The following SLC38A8 variants were observed in gnomAD, a reference collection of about 807,000 sequenced individuals.
SLC38A8 encodes amino acid transporter SLC38A8.
SLC38A8 carries 65 observed loss-of-function variants against 46.0 expected under a neutral mutation model. The ratio of observed to expected loss-of-function variants is 1.41; its 90% CI spans 1.16 to 1.74. The LOEUF (loss-of-function observed/expected upper bound fraction) is 1.74, where lower values mean the gene tolerates loss of function less well. Among genes scored for constraint, SLC38A8 ranks in the 40% most tolerant of loss-of-function variants. The pLI, the probability that SLC38A8 is intolerant of heterozygous loss-of-function variation, is 0.00. For missense variants in SLC38A8, 998 were observed against 567.9 expected, an observed-to-expected ratio of 1.76 and a Z score of -7.70; for synonymous variants, 447 against 243.7, an observed-to-expected ratio of 1.83 and a Z score of -7.77.
intron 1 of SLC38A8, 64 bp from the exon 2 acceptor site, chr16:84,042,223 T>C: frequency 6.6e-7 from 1 of 1,514,650 alleles, no homozygotes; most frequent in Non-Finnish European, 8.9e-7. Flanking sequence ...AAGTTCTCGA[T>C]ATCCTTATTT....
intron 5 of SLC38A8, among the ~76,000 whole-genome samples, chr16:84,031,487 C>T (rs972576627): frequency 1.3e-5 from 2 of 152,244 alleles, no homozygotes; most frequent in Admixed American, 1.3e-4. Context: ...GCTCTCTGCC[C>T]TTGTTCCGGC....
At chr16:84,029,020 C>T (rs1346509538) in intron 6 of SLC38A8, among the ~76,000 whole-genome samples, 2 of 152,146 alleles carry the variant, frequency 1.3e-5, no homozygotes, top group African/African-American at 4.8e-5. Flanking sequence ...GCTCCCTGTA[C>T]ACCTTCCAGC....
At chr16:84,030,854 C>A (rs1476680085) in intron 5 of SLC38A8, among the ~76,000 whole-genome samples, 2 of 150,174 alleles carry the variant, frequency 1.3e-5, no homozygotes, top group South Asian at 4.3e-4. Flanking sequence ...GGTCGCACAC[C>A]CACGAGCCAG....
chr16:84,037,523 G>A (rs1006989101), intron 2 of SLC38A8, among the ~76,000 whole-genome samples: 1 of 152,188 alleles, frequency 6.6e-6, no homozygotes, highest in African/African-American at 2.4e-5. Flanking sequence ...CACTTCTGGA[G>A]ACCGAGGTAG....
At chr16:84,034,560 G>A (rs187254791) in intron 3 of SLC38A8, among the ~76,000 whole-genome samples, 157 of 152,290 alleles carry the variant, frequency 1.0e-3, no homozygotes, top group African/African-American at 2.8e-3. Context: ...AGATGTCTTC[G>A]CTCCTTCGGT....
chr16:84,038,214 C>G (rs7184301), intron 2 of SLC38A8, among the ~76,000 whole-genome samples: 97,494 of 151,674 alleles, frequency 0.64, 31,817 homozygotes, highest in East Asian at 0.85. Flanking sequence ...GGGAGGCTGA[C>G]GCAGGAGAAT....
At chr16:84,015,047 G>A (rs920459964) in intron 9 of SLC38A8, among the ~76,000 whole-genome samples, 12 of 152,202 alleles carry the variant, frequency 7.9e-5, no homozygotes, top group African/African-American at 2.2e-4. Flanking sequence ...TTGACATAAC[G>A]GCTGCATCAG....
chr16:84,022,912 G>C, intron 6 of SLC38A8, 23 bp from the exon 7 acceptor site: 1 of 1,535,056 alleles, frequency 6.5e-7, no homozygotes, highest in South Asian at 1.2e-5. Flanking sequence ...GGGCGGCTCA[G>C]CAGGATGCTG....
intron 9 of SLC38A8, among the ~76,000 whole-genome samples, chr16:84,013,558 G>A (rs2084984169): frequency 6.7e-6 from 1 of 149,822 alleles, no homozygotes; most frequent in African/African-American, 2.4e-5. Context: ...AGCCTCCCGA[G>A]TAGCTGGGAC....
chr16:84,032,009 A>C (rs1331667825), intron 4 of SLC38A8, 41 bp from the exon 5 acceptor site: 2 of 1,553,122 alleles, frequency 1.3e-6, no homozygotes, highest in Non-Finnish European at 1.8e-6. Context: ...AGTGGGTGAC[A>C]TGTGCGGTTG....
At chr16:84,020,228 C>T (rs2085079291) in intron 7 of SLC38A8, among the ~76,000 whole-genome samples, 1 of 151,788 alleles carries the variant, frequency 6.6e-6, no homozygotes, top group African/African-American at 2.4e-5. Flanking sequence ...CCAGCCTTGA[C>T]CTCCAGGGCT....
rs368496002 is a variant in SLC38A8 at position 84,029,543 on chromosome 16, G to A, written c.641C>T (p.Ser214Phe). ...GAAGACACTGAACACAGAGGTCCAG[G>A]AGGCAGGGCTGTAAACAGACAAGAA... ...RESHPSLSPA[S>F]WTSVFSVFPT... The change falls in exon 6 of 11, where the codon TCC (serine) becomes TTC (phenylalanine). Residue 214 changes from serine to phenylalanine, a missense_variant. Physicochemically the swap from Ser to Phe is radical, Grantham distance 155 (BLOSUM62 -2). Coordinates refer to ENST00000299709, the MANE Select transcript of SLC38A8 (RefSeq NM_001080442.3). The A allele has an allele frequency of 3.1e-6, 5 of 1,614,148 alleles. No homozygotes were observed. In the African/African-American group the frequency reaches 5.3e-5, roughly 17 times the overall value.
At chr16:84,032,925 GGTAC>G (rs2085260491) in intron 4 of SLC38A8, among the ~76,000 whole-genome samples, 2 of 88,590 alleles carry the variant, frequency 2.3e-5, no homozygotes, top group African/African-American at 7.2e-5. Context: ...GGTGGGTGTG[GGTAC>G]GTGGGTGTGC....
At position 84,016,734 on chromosome 16, in the gene SLC38A8, G is replaced by C; in HGVS notation, c.954-7C>G. 1 of 1,610,202 alleles carries C rather than the reference G, an allele frequency of 6.2e-7. No individual in the cohort carries two copies. Among genetic ancestry groups the C allele is most frequent in the Non-Finnish European group, 8.5e-7 (1 of 1,178,740 alleles). On this transcript the variant is annotated splice_region_variant and splice_polypyrimidine_tract_variant and intron_variant, in intron 8 of 10. Coordinates refer to ENST00000299709, the MANE Select transcript of SLC38A8 (RefSeq NM_001080442.3). ...GAAGTCCTGCATCACTGACCTGGAG[G>C]CCACAGCCAACACAGACACATGGGC... is the stretch of plus-strand genomic sequence containing the variant.
chr16:84,021,246 A>C (rs1002260802), intron 7 of SLC38A8, among the ~76,000 whole-genome samples: 2 of 152,088 alleles, frequency 1.3e-5, no homozygotes, highest in African/African-American at 2.4e-5. Context: ...TGTATTTTTA[A>C]TAGAAATGCG....
At chr16:84,011,742 G>C (rs2084956449) in intron 10 of SLC38A8, among the ~76,000 whole-genome samples, 1 of 152,236 alleles carries the variant, frequency 6.6e-6, no homozygotes, top group Non-Finnish European at 1.5e-5. Context: ...AAGGCAGCCA[G>C]GTGTGATGGT....
intron 10 of SLC38A8, 75 bp from the exon 11 acceptor site, chr16:84,009,952 C>G: frequency 7.6e-7 from 1 of 1,324,316 alleles, no homozygotes; most frequent in Admixed American, 2.0e-5. Flanking sequence ...ATAAAAAATT[C>G]ACTATGTAGA....
intron 2 of SLC38A8, among the ~76,000 whole-genome samples, chr16:84,038,530 T>G (rs1038879442): frequency 9.2e-5 from 14 of 152,222 alleles, no homozygotes; most frequent in Non-Finnish European, 1.8e-4. Context: ...TACTCTGGCG[T>G]GCCTACCATG....
chr16:84,022,711 G>C (rs573300092), intron 7 of SLC38A8, 64 bp downstream of exon 7: 6 of 1,237,198 alleles, frequency 4.8e-6, no homozygotes, highest in African/African-American at 4.5e-5. Flanking sequence ...AGAGATACTC[G>C]CTGTTACTCT....
Sources: allele counts gnomAD v4.1 joint callset (sites outside exome capture counted in the v4.1 genomes callset), GRCh38; gene constraint gnomAD v4.1.1; transcripts MANE v1.5; gene names NCBI Gene and HGNC (gene_info 2026-07-23, HGNC 2026-07-21).